Variants in PLXDC2 observed in about 807,000 individuals in gnomAD.
PLXDC2 encodes the protein plexin domain containing 2, also known as plexin domain-containing protein 2.
A neutral mutation model predicts 68.9 loss-of-function variants in PLXDC2; 40 were observed. The ratio of observed to expected loss-of-function variants is 0.58; its 90% CI spans 0.45 to 0.76. The LOEUF is 0.76. Ranked by LOEUF, PLXDC2 falls within the 30% of genes least tolerant of loss-of-function variation. PLXDC2 has a pLI of 0.00. For synonymous variants in PLXDC2, 243 were observed against 234.2 expected, an observed-to-expected ratio of 1.04 and a Z score of -0.34; for missense variants, 644 against 661.9, an observed-to-expected ratio of 0.97 and a Z score of 0.30.
chr10:19,993,094 C>T (rs1309580093), intron 1 of PLXDC2, among the ~76,000 whole-genome samples: 2 of 152,110 alleles, frequency 1.3e-5, no homozygotes, highest in African/African-American at 4.8e-5. Context: ...AAGCCCAAGC[C>T]CATTACTAAC....
At chr10:20,149,341 C>T (rs766386650) in intron 6 of PLXDC2, among the ~76,000 whole-genome samples, 8 of 141,248 alleles carry the variant, frequency 5.7e-5, no homozygotes, top group African/African-American at 2.1e-4. Flanking sequence ...TGGGTACAAG[C>T]GATTCTCCTG....
intron 1 of PLXDC2, among the ~76,000 whole-genome samples, chr10:19,907,594 C>T (rs567590169): frequency 6.6e-6 from 1 of 152,324 alleles, no homozygotes; most frequent in East Asian, 1.9e-4. Flanking sequence ...GCAATGGCAA[C>T]ATACCATACC....
At chr10:20,146,730 T>A (rs1412635744) in intron 5 of PLXDC2, among the ~76,000 whole-genome samples, 1 of 152,118 alleles carries the variant, frequency 6.6e-6, no homozygotes, top group Non-Finnish European at 1.5e-5. Flanking sequence ...GGACTTACAA[T>A]TGGGTGTTCA....
chr10:20,117,116 T>TTG (rs1833633328), intron 4 of PLXDC2, among the ~76,000 whole-genome samples: 2 of 151,770 alleles, frequency 1.3e-5, no homozygotes, highest in Non-Finnish European at 2.9e-5. Context: ...ATAAAGTCAG[T>TTG]TGTGTTTCTG....
At chr10:20,140,255 C>T (rs900754577) in intron 4 of PLXDC2, among the ~76,000 whole-genome samples, 4 of 151,878 alleles carry the variant, frequency 2.6e-5, no homozygotes, top group African/African-American at 4.8e-5. Context: ...GCAGAGATCG[C>T]GCCACTGCAC....
At chr10:20,158,652 G>A (rs147738697) in intron 6 of PLXDC2, among the ~76,000 whole-genome samples, 4,323 of 151,082 alleles carry the variant, frequency 0.029, 78 homozygotes, top group South Asian at 0.068. Context: ...AACAGAATGA[G>A]ACTCTGTCTC....
chr10:20,277,661 G>A lies in PLXDC2; in HGVS notation c.1474-2042G>A, dbSNP rs146822334. Among the ~76,000 whole-genome samples, 13 of 152,252 alleles carry A rather than the reference G, an allele frequency of 8.5e-5. No individual in the cohort carries two copies. The East Asian group carries it at 9.6e-4, about 11-fold the overall frequency. ...GTGAAGTTGTTACTCTTTGCTTGGC[G>A]TTGTTATGACTAAGACTGAGATGTG... On this transcript the variant is annotated intron_variant, in intron 13 of 13. Coordinates refer to ENST00000377252, the MANE Select transcript of PLXDC2 (RefSeq NM_032812.9).
At chr10:19,959,621 A>G (rs1021157465) in intron 1 of PLXDC2, among the ~76,000 whole-genome samples, 1 of 152,190 alleles carries the variant, frequency 6.6e-6, no homozygotes, top group Non-Finnish European at 1.5e-5. Flanking sequence ...CGTATCTGAG[A>G]TATATCACAG....
intron 4 of PLXDC2, among the ~76,000 whole-genome samples, chr10:20,110,206 A>C (rs554637615): frequency 3.6e-4 from 55 of 152,258 alleles, no homozygotes; most frequent in African/African-American, 1.3e-3. Context: ...GGTGCTCTCC[A>C]GAAAAGGGAA....
intron 1 of PLXDC2, among the ~76,000 whole-genome samples, chr10:19,831,034 G>A (rs1248819555): frequency 6.7e-6 from 1 of 149,374 alleles, no homozygotes; most frequent in Non-Finnish European, 1.5e-5. Flanking sequence ...TTGTTTTCTT[G>A]GCACCTTTCA....
At chr10:19,864,267 A>C (rs77865567) in intron 1 of PLXDC2, among the ~76,000 whole-genome samples, 7,657 of 152,222 alleles carry the variant, frequency 0.05, 300 homozygotes, top group Non-Finnish European at 0.066. Context: ...TGGCCTCCCA[A>C]AGAGCTGGGA....
At chr10:20,165,348 A>G (rs187682776) in intron 7 of PLXDC2, among the ~76,000 whole-genome samples, 43 of 152,200 alleles carry the variant, frequency 2.8e-4, no homozygotes, top group African/African-American at 1.0e-3. Context: ...ACATATGTAT[A>G]CATGGTGCCA....
chr10:20,188,030 C>T (rs924186062), intron 9 of PLXDC2, among the ~76,000 whole-genome samples: 6 of 151,576 alleles, frequency 4.0e-5, no homozygotes, highest in Admixed American at 1.3e-4. Context: ...TAGAGAAGTA[C>T]ATAATAGATG....
chr10:19,824,923 C>A (rs184308953), intron 1 of PLXDC2, among the ~76,000 whole-genome samples: 1 of 152,066 alleles, frequency 6.6e-6, no homozygotes, highest in African/African-American at 2.4e-5. Flanking sequence ...TTGGAATTAG[C>A]CTGTTAAGGA....
At chr10:20,096,633 T>C (rs1434587253) in intron 4 of PLXDC2, among the ~76,000 whole-genome samples, 2 of 152,104 alleles carry the variant, frequency 1.3e-5, no homozygotes, top group Admixed American at 6.6e-5. Flanking sequence ...CCATGCCACA[T>C]GCAGAAACGA....
intron 4 of PLXDC2, among the ~76,000 whole-genome samples, chr10:20,110,189 A>G (rs1833540740): frequency 6.6e-6 from 1 of 152,108 alleles, no homozygotes; most frequent in Non-Finnish European, 1.5e-5. Context: ...GGTGTTATGC[A>G]AGGAGGGGTG....
At chr10:20,198,188 A>C (rs1834867019) in intron 9 of PLXDC2, among the ~76,000 whole-genome samples, 1 of 152,114 alleles carries the variant, frequency 6.6e-6, no homozygotes, top group Admixed American at 6.6e-5. Context: ...AATATGGTAA[A>C]ACAGAAGACA....
At chr10:19,837,407 AGAGTGTGTGTGTGTGT>A (rs1377523706) in intron 1 of PLXDC2, among the ~76,000 whole-genome samples, 1 of 87,554 alleles carries the variant, frequency 1.1e-5, no homozygotes, top group East Asian at 5.4e-4. Context: ...AGAGAGAGAG[AGAGTGTGTGTGTGTGT>A]GTGTGTGTGT....
At position 19,865,485 on chromosome 10, in the gene PLXDC2, T is replaced by A. The variant is rs1853951; in HGVS notation, c.112+48294T>A. 2.0e-5 allele frequency among the ~76,000 whole-genome samples: 3 copies of A among 152,152 alleles called. No individual in the cohort carries two copies. In the South Asian group the frequency reaches 6.2e-4, roughly 32 times the overall value. ...CCCTCTCATTACTGGTATGAATGGA[T>A]GCAAAGATAGCCTCTTTGGTTTTGT... On this transcript the variant is annotated intron_variant, in intron 1 of 13. Transcript: ENST00000377252.
Sources: allele counts gnomAD v4.1 joint callset (sites outside exome capture counted in the v4.1 genomes callset), GRCh38; gene constraint gnomAD v4.1.1; transcripts MANE v1.5; gene names NCBI Gene and HGNC (gene_info 2026-07-23, HGNC 2026-07-21).